PPM1E: variants seen among roughly 807,000 people sequenced by gnomAD.
PPM1E encodes the protein protein phosphatase, Mg2+/Mn2+ dependent 1E, also known as protein phosphatase 1E.
In PPM1E, 20 loss-of-function variants were observed where a neutral mutation model predicts 65.9. That is an observed-to-expected ratio of 0.30 (90% CI 0.21 to 0.44). The LOEUF (loss-of-function observed/expected upper bound fraction) is 0.44, where lower values mean the gene tolerates loss of function less well. Ranked by LOEUF, PPM1E falls within the 20% of genes least tolerant of loss-of-function variation. PPM1E has a pLI of 1.00. For synonymous variants in PPM1E, 352 were observed against 374.9 expected (o/e 0.94, Z 0.70); for missense variants, 713 against 953.1 (o/e 0.75, Z 3.32).
At chr17:58,878,923 A>G (rs1394809081) in intron 1 of PPM1E, among the ~76,000 whole-genome samples, 2 of 151,888 alleles carry the variant, frequency 1.3e-5, no homozygotes, top group African/African-American at 4.8e-5. Flanking sequence ...AAAAAGAAAA[A>G]AAGAAAACTA....
At chr17:58,858,600 C>T (rs535956459) in intron 1 of PPM1E, among the ~76,000 whole-genome samples, 1 of 152,058 alleles carries the variant, frequency 6.6e-6, no homozygotes. Flanking sequence ...CTTCATATAA[C>T]ATAATGTCTT....
intron 1 of PPM1E, among the ~76,000 whole-genome samples, chr17:58,890,342 T>C (rs377254862): frequency 6.6e-6 from 1 of 152,064 alleles, no homozygotes; most frequent in South Asian, 2.1e-4. Flanking sequence ...ATGGGGAACG[T>C]TGTAAACAGC....
At chr17:58,879,621 G>T (rs1221609137) in intron 1 of PPM1E, among the ~76,000 whole-genome samples, 1 of 144,040 alleles carries the variant, frequency 6.9e-6, no homozygotes. Context: ...CCATTCTCCT[G>T]CCTCCGCCTC....
chr17:58,881,552 A>G (rs956889919), intron 1 of PPM1E, among the ~76,000 whole-genome samples: 1 of 152,054 alleles, frequency 6.6e-6, no homozygotes, highest in Non-Finnish European at 1.5e-5. Context: ...AATCCCAGCT[A>G]CTTGGGAGGC....
At chr17:58,875,410 T>C (rs1295618942) in intron 1 of PPM1E, among the ~76,000 whole-genome samples, 10 of 152,196 alleles carry the variant, frequency 6.6e-5, no homozygotes, top group Non-Finnish European at 1.3e-4. Context: ...GGTCTCAAGT[T>C]TGCTTTGATC....
At chr17:58,967,099 A>T (rs1324433147) in intron 3 of PPM1E, among the ~76,000 whole-genome samples, 1 of 152,180 alleles carries the variant, frequency 6.6e-6, no homozygotes, top group Non-Finnish European at 1.5e-5. Flanking sequence ...AATTAGCCCA[A>T]AGGACTTAAC....
At chr17:58,973,643 T>TAAAAAAACAAAAAACA (rs1292850633) in intron 6 of PPM1E, among the ~76,000 whole-genome samples, 1 of 149,314 alleles carries the variant, frequency 6.7e-6, no homozygotes, top group Non-Finnish European at 1.5e-5. Flanking sequence ...CTTCATCTCT[T>TAAAAAAACAAAAAACA]AAAAAAACAA....
intron 1 of PPM1E, among the ~76,000 whole-genome samples, chr17:58,829,425 T>C (rs1203998835): frequency 6.6e-6 from 1 of 152,256 alleles, no homozygotes. Flanking sequence ...TAGTTTTCTA[T>C]GTACCTATTG....
intron 4 of PPM1E, 137 bp from the exon 5 acceptor site, chr17:58,971,995 A>G (rs2030662803): frequency 2.5e-6 from 2 of 801,598 alleles, no homozygotes; most frequent in Non-Finnish European, 3.8e-6. Flanking sequence ...TGAGACAATG[A>G]ATTATTATAT....
intron 2 of PPM1E, among the ~76,000 whole-genome samples, chr17:58,957,849 A>G (rs1232828610): frequency 1.3e-5 from 2 of 152,194 alleles, no homozygotes; most frequent in African/African-American, 4.8e-5. Context: ...ACAACCTAAA[A>G]CCAATTTGAG....
chr17:58,966,092 A>G (rs2030217210), intron 3 of PPM1E, 199 bp downstream of exon 3: 4 of 605,612 alleles, frequency 6.6e-6, no homozygotes, highest in East Asian at 5.7e-5. Context: ...ATGCATTCAC[A>G]TGGTTCAAAA....
intron 1 of PPM1E, among the ~76,000 whole-genome samples, chr17:58,790,241 T>C (rs2050143914): frequency 6.6e-6 from 1 of 152,084 alleles, no homozygotes; most frequent in African/African-American, 2.4e-5. Flanking sequence ...ATTTTTTTTT[T>C]TTTGGATAGC....
At chr17:58,793,717 T>G (rs2050178914) in intron 1 of PPM1E, among the ~76,000 whole-genome samples, 1 of 152,178 alleles carries the variant, frequency 6.6e-6, no homozygotes. Context: ...ATCTGGAATA[T>G]AAATTTTACA....
At chr17:58,811,778 C>T (rs553957436) in intron 1 of PPM1E, among the ~76,000 whole-genome samples, 159 of 152,158 alleles carry the variant, frequency 1.0e-3, no homozygotes, top group Middle Eastern at 3.4e-3. Flanking sequence ...TCAAGCAATT[C>T]TCCTGCCTCA....
chr17:58,968,780 T>TATC (rs1242544053), intron 3 of PPM1E, among the ~76,000 whole-genome samples: 1 of 152,210 alleles, frequency 6.6e-6, no homozygotes, highest in Non-Finnish European at 1.5e-5. Context: ...ATCTTATGAT[T>TATC]AGGCTTTTGT....
At chr17:58,822,326 TTTTATTTA>T (rs143533991) in intron 1 of PPM1E, among the ~76,000 whole-genome samples, 23,222 of 141,840 alleles carry the variant, frequency 0.16, 2,025 homozygotes, top group Admixed American at 0.21. Flanking sequence ...CTGAATTTAT[TTTTATTTA>T]TTTATTTATT....
At chr17:58,889,543 G>T (rs1032776694) in intron 1 of PPM1E, among the ~76,000 whole-genome samples, 1 of 152,130 alleles carries the variant, frequency 6.6e-6, no homozygotes, top group Non-Finnish European at 1.5e-5. Context: ...AGGTTGCAGT[G>T]AGCCGAGACC....
intron 1 of PPM1E, among the ~76,000 whole-genome samples, chr17:58,916,909 A>T (rs1464379610): frequency 1.3e-5 from 2 of 152,156 alleles, no homozygotes; most frequent in African/African-American, 4.8e-5. Flanking sequence ...TTCCCTCAGT[A>T]ACTGTAAGAA....
At chr17:58,905,375 T>A (rs1413183146) in intron 1 of PPM1E, among the ~76,000 whole-genome samples, 1 of 152,190 alleles carries the variant, frequency 6.6e-6, no homozygotes, top group East Asian at 1.9e-4. Flanking sequence ...GTTAAAGAAG[T>A]TGCCCTCTAT....
Sources: allele counts gnomAD v4.1 joint callset (sites outside exome capture counted in the v4.1 genomes callset), GRCh38; gene constraint gnomAD v4.1.1; transcripts MANE v1.5; gene names NCBI Gene and HGNC (gene_info 2026-07-23, HGNC 2026-07-21).